Variants in TENM3 observed in about 807,000 individuals in gnomAD.
TENM3 encodes the protein teneurin transmembrane protein 3.
Under a neutral mutation model 255.1 loss-of-function variants are expected in TENM3, and 63 were observed. That is an observed-to-expected ratio of 0.25 (90% CI 0.20 to 0.30). The LOEUF (loss-of-function observed/expected upper bound fraction) is 0.30, where lower values mean the gene tolerates loss of function less well. TENM3 is among the 10% of genes least tolerant of loss of function. TENM3 has a pLI of 1.00. For synonymous variants in TENM3, 1,306 were observed against 1,322.3 expected, an observed-to-expected ratio of 0.99 and a Z score of 0.27; for missense variants, 2,929 against 3,461.1, an observed-to-expected ratio of 0.85 and a Z score of 3.86.
chr4:182,201,460 G>A (rs1754181939), intron 1 of TENM3, among the ~76,000 whole-genome samples: 4 of 152,124 alleles, frequency 2.6e-5, no homozygotes, highest in Admixed American at 2.6e-4. Flanking sequence ...GACAGGACAG[G>A]ATCTGTGAGC....
chr4:182,080,985 T>C, the TENM3 span, among the ~76,000 whole-genome samples: 1 of 151,954 alleles, frequency 6.6e-6, no homozygotes, highest in Non-Finnish European at 1.5e-5. Context: ...AGCAACACCC[T>C]GTCTCAAAAA....
At chr4:181,883,077 A>G in the TENM3 span, among the ~76,000 whole-genome samples, 5 of 139,268 alleles carry the variant, frequency 3.6e-5, no homozygotes, top group Non-Finnish European at 7.9e-5. Context: ...TTCATTTTGT[A>G]TTCAGAAGCA....
chr4:182,390,861 A>G (rs529042098), intron 3 of TENM3, among the ~76,000 whole-genome samples: 33 of 152,272 alleles, frequency 2.2e-4, no homozygotes, highest in African/African-American at 7.2e-4. Flanking sequence ...TATGATGATT[A>G]CTGTTAACTT....
intron 3 of TENM3, among the ~76,000 whole-genome samples, chr4:182,554,844 T>C: frequency 6.6e-6 from 1 of 152,134 alleles, no homozygotes; most frequent in Non-Finnish European, 1.5e-5. Flanking sequence ...GCTTTAATTT[T>C]CTATTTCTAC....
chr4:182,186,961 G>C (rs1251735429), intron 1 of TENM3, among the ~76,000 whole-genome samples: 4 of 150,678 alleles, frequency 2.7e-5, no homozygotes, highest in Middle Eastern at 3.2e-3. Context: ...AATTAGTTCA[G>C]TTTTATGCTT....
the TENM3 span, chr4:181,821,712 G>A: frequency 6.6e-6 from 1 of 152,168 alleles, no homozygotes; most frequent in Non-Finnish European, 1.5e-5. Flanking sequence ...TGCATCTCTT[G>A]AGGGTCTACT....
chr4:182,560,504 G>T (rs1010509070), intron 3 of TENM3, among the ~76,000 whole-genome samples: 2 of 152,200 alleles, frequency 1.3e-5, no homozygotes, highest in Admixed American at 6.5e-5. Context: ...AGCTAATGCA[G>T]TCACTCTGCT....
chr4:182,746,543 C>T (rs185097356), intron 19 of TENM3, among the ~76,000 whole-genome samples: 17 of 152,154 alleles, frequency 1.1e-4, no homozygotes, highest in African/African-American at 3.9e-4. Flanking sequence ...TGCTTGGGGC[C>T]TTGAGGGCTC....
chr4:182,463,466 G>C (rs1269574476), intron 3 of TENM3, among the ~76,000 whole-genome samples: 3 of 151,734 alleles, frequency 2.0e-5, no homozygotes, highest in Admixed American at 6.6e-5. Flanking sequence ...AGACCATGTA[G>C]TATCACTTTT....
the TENM3 span, among the ~76,000 whole-genome samples, chr4:181,641,439 T>C: frequency 6.7e-6 from 1 of 149,684 alleles, no homozygotes; most frequent in African/African-American, 2.5e-5. Flanking sequence ...CGGTGTTTGG[T>C]TTTCTGTTCT....
At chr4:182,209,456 G>T (rs1754833434) in intron 1 of TENM3, among the ~76,000 whole-genome samples, 1 of 151,644 alleles carries the variant, frequency 6.6e-6, no homozygotes, top group Non-Finnish European at 1.5e-5. Flanking sequence ...CTCAAAGGCT[G>T]CCAAGACTCC....
chr4:181,996,144 C>A, the TENM3 span, among the ~76,000 whole-genome samples: 1 of 145,074 alleles, frequency 6.9e-6, no homozygotes, highest in Non-Finnish European at 1.5e-5. Flanking sequence ...CTAGAGAAAC[C>A]AGGGTCGCTA....
At chr4:181,529,084 G>GA in the TENM3 span, among the ~76,000 whole-genome samples, 1 of 152,190 alleles carries the variant, frequency 6.6e-6, no homozygotes, top group Admixed American at 6.5e-5. Context: ...TTTCACAGGT[G>GA]AAAAAACTGA....
chr4:182,089,042 T>C, the TENM3 span, among the ~76,000 whole-genome samples: 25 of 152,242 alleles, frequency 1.6e-4, no homozygotes, highest in African/African-American at 5.8e-4. Flanking sequence ...TCAACCCTTC[T>C]ACAGTGTGGT....
chr4:182,277,067 G>A (rs922345968), intron 1 of TENM3, among the ~76,000 whole-genome samples: 1 of 152,228 alleles, frequency 6.6e-6, no homozygotes, highest in Non-Finnish European at 1.5e-5. Flanking sequence ...ATGTCCTGAT[G>A]TGAAAATAAA....
At chr4:181,607,537 C>A in the TENM3 span, among the ~76,000 whole-genome samples, 7 of 151,906 alleles carry the variant, frequency 4.6e-5, no homozygotes, top group African/African-American at 1.7e-4. Context: ...GCCTCAGCCT[C>A]CCGAGTAGCT....
chr4:181,751,951 C>T, the TENM3 span, among the ~76,000 whole-genome samples: 2 of 152,134 alleles, frequency 1.3e-5, no homozygotes, highest in African/African-American at 4.8e-5. Flanking sequence ...CTAGGTATAC[C>T]ACAGGTTTTT....
At chr4:182,268,032 T>C (rs57398888) in intron 1 of TENM3, among the ~76,000 whole-genome samples, 4,070 of 152,280 alleles carry the variant, frequency 0.027, 176 homozygotes, top group African/African-American at 0.093. Flanking sequence ...ATCAGTATTC[T>C]CATTCTGGGC....
At chr4:182,758,956 T>A (rs1010592205) in intron 22 of TENM3, among the ~76,000 whole-genome samples, 4 of 152,226 alleles carry the variant, frequency 2.6e-5, no homozygotes, top group African/African-American at 9.6e-5. Flanking sequence ...TTTCTGACTA[T>A]CCTGGTGTCT....
Sources: gnomAD v4.1 joint callset for allele counts (sites outside exome capture counted in the v4.1 genomes callset) on GRCh38, gnomAD v4.1.1 for gene constraint, MANE v1.5 for transcripts, NCBI Gene and HGNC (gene_info 2026-07-23, HGNC 2026-07-21) for gene names.